KLHL26: variants seen among roughly 807,000 people sequenced by gnomAD.
The protein encoded by KLHL26 is kelch like family member 26.
Under a neutral mutation model 7.1 loss-of-function variants are expected in KLHL26, and 4 were observed. The observed-to-expected ratio is 0.56, with a 90% CI of 0.28 to 1.28. The LOEUF is 1.28. KLHL26 is among the 50% of genes most tolerant of loss of function. The probability of loss-of-function intolerance (pLI) is 0.11; values close to 1 mark genes in which losing one functional copy is unlikely to be tolerated. For synonymous variants in KLHL26, 465 were observed against 414.1 expected (o/e 1.12, Z -1.49); for missense variants, 896 against 924.6 (o/e 0.97, Z 0.40).
At chr19:18,663,102 TC>T (rs1371396700) in intron 1 of KLHL26, among the ~76,000 whole-genome samples, 1 of 152,160 alleles carries the variant, frequency 6.6e-6, no homozygotes, top group Non-Finnish European at 1.5e-5. Context: ...ATGTCCTGCT[TC>T]CCCAGGGACT....
chr19:18,663,594 G>A (rs1194068770), intron 1 of KLHL26, among the ~76,000 whole-genome samples: 1 of 152,184 alleles, frequency 6.6e-6, no homozygotes, highest in Admixed American at 6.5e-5. Context: ...ACAGAGCAGG[G>A]TGCCTCAGCC....
At chr19:18,654,854 A>G (rs954617927) in intron 1 of KLHL26, among the ~76,000 whole-genome samples, 1 of 152,044 alleles carries the variant, frequency 6.6e-6, no homozygotes, top group East Asian at 1.9e-4. Context: ...TTACCCATCC[A>G]TCTACCTGTC....
At chr19:18,638,532 A>G (rs1976657870) in intron 1 of KLHL26, among the ~76,000 whole-genome samples, 1 of 152,180 alleles carries the variant, frequency 6.6e-6, no homozygotes, top group Non-Finnish European at 1.5e-5. Context: ...GTCCTGCAGT[A>G]GGGAGCCAGG....
chr19:18,658,290 G>A (rs987531576), intron 1 of KLHL26, among the ~76,000 whole-genome samples: 4 of 152,106 alleles, frequency 2.6e-5, no homozygotes, highest in Non-Finnish European at 5.9e-5. Context: ...CAGTGTGGTT[G>A]GAGAGTAGGG....
At chr19:18,639,478 C>A (rs985422741) in intron 1 of KLHL26, among the ~76,000 whole-genome samples, 2 of 128,598 alleles carry the variant, frequency 1.6e-5, no homozygotes, top group Admixed American at 9.4e-5. Flanking sequence ...AGTGTGATCT[C>A]GGCTCACTGC....
In KLHL26 at chr19:18,663,067, C is replaced by T. The variant is rs576781002; in HGVS notation, c.84-1194C>T. ...AGCATTGCTGGCCAGCCCAGATGACCGTGGCATTGGGCTCTGAGTAGCATA... is the reference window on the plus strand; with the variant it reads ...AGCATTGCTGGCCAGCCCAGATGACTGTGGCATTGGGCTCTGAGTAGCATA... On this transcript the variant is annotated intron_variant, in intron 1 of 2. Coordinates refer to ENST00000300976, the MANE Select transcript of KLHL26 (RefSeq NM_018316.3). 2.1e-3 allele frequency among the ~76,000 whole-genome samples: 317 copies of T among 152,344 alleles called. 2 individuals are homozygous for T. The highest frequency in any genetic ancestry group is 3.6e-3 in the Non-Finnish European group (243 of 68,032).
At chr19:18,652,180 G>C (rs539623920) in intron 1 of KLHL26, among the ~76,000 whole-genome samples, 1 of 152,292 alleles carries the variant, frequency 6.6e-6, no homozygotes, top group East Asian at 1.9e-4. Context: ...CCAGAGACAG[G>C]ATGTGCAGGA....
intron 1 of KLHL26, among the ~76,000 whole-genome samples, chr19:18,654,142 TCCACCCACCCATTCATCCAC>T (rs1302620954): frequency 2.9e-5 from 3 of 105,116 alleles, no homozygotes; most frequent in Admixed American, 9.5e-5. Context: ...CTTCCATCTA[TCCACCCACCCATTCATCCAC>T]CCACCCACCC....
intron 1 of KLHL26, among the ~76,000 whole-genome samples, chr19:18,654,880 T>G (rs1178518957): frequency 6.6e-6 from 1 of 152,154 alleles, no homozygotes; most frequent in Non-Finnish European, 1.5e-5. Flanking sequence ...ATTTGACTGC[T>G]CATCCACCCA....
In KLHL26 at chr19:18,669,659, G is replaced by A. The variant is rs1253702326; in HGVS notation, c.*414G>A. On this transcript the variant is annotated 3_prime_UTR_variant, in exon 3 of 3. Coordinates refer to ENST00000300976, the MANE Select transcript of KLHL26 (RefSeq NM_018316.3). ...CTCATCAACATTGAACCCAAAGTCG[G>A]TGGTATATGACTCACCCTCCTTCCA... is the stretch of plus-strand genomic sequence containing the variant. 1 of 340,284 alleles carries A rather than the reference G, an allele frequency of 2.9e-6. No homozygotes were observed. The highest frequency in any genetic ancestry group is 4.9e-5 in the East Asian group (1 of 20,234). The allele number at this position is 340,284 out of a possible 1,614,324, so 21.1% of individuals were successfully genotyped here.
rs1243718917 is a variant in KLHL26 at position 18,669,200 on chromosome 19, A to G, written c.1803A>G (p.Ile601Met). 6.2e-7 allele frequency: 1 copy of G among 1,612,146 alleles called. No individual in the cohort carries two copies. The highest frequency in any genetic ancestry group is 1.7e-5 in the Admixed American group (1 of 60,016). The change falls in exon 3 of 3, where the codon ATA becomes ATG. Residue 601 changes from isoleucine to methionine, a missense_variant. By Grantham distance (10) the Ile-to-Met change is conservative. Transcript: ENST00000300976. Reference sequence around the variant, plus strand: ...ACTTCCCGGAGTCCTTCGCAGGCATAGCCTGCGCCCCCGTCCTGCTGCCCC... The same window carrying G: ...ACTTCCCGGAGTCCTTCGCAGGCATGGCCTGCGCCCCCGTCCTGCTGCCCC... ...DLHFPESFAGIACAPVLLPRA... is the reference protein window; with the variant it reads ...DLHFPESFAGMACAPVLLPRA...
chr19:18,658,743 G>GTCTCTGTC (rs1274571647), intron 1 of KLHL26, among the ~76,000 whole-genome samples: 2 of 148,854 alleles, frequency 1.3e-5, no homozygotes, highest in Non-Finnish European at 3.0e-5. Flanking sequence ...CTCTCTCTGG[G>GTCTCTGTC]TCTCTGTCTC....
In KLHL26 at chr19:18,654,980, C is replaced by T. The variant is rs553998919; in HGVS notation, c.84-9281C>T. Among the ~76,000 whole-genome samples the T allele has an allele frequency of 1.3e-4, 20 of 152,350 alleles. No individual in the cohort carries two copies. The East Asian group carries it at 2.9e-3, about 22-fold the overall frequency. ...TACAGGAGACAGAACCTTGCCTGCTCGGCTTCCATGGGGTTCCCCTTTCAG... is the reference window on the plus strand; with the variant it reads ...TACAGGAGACAGAACCTTGCCTGCTTGGCTTCCATGGGGTTCCCCTTTCAG... On this transcript the variant is annotated intron_variant, in intron 1 of 2. Coordinates refer to ENST00000300976, the MANE Select transcript of KLHL26 (RefSeq NM_018316.3).
At chr19:18,638,290 T>G (rs1976653905) in intron 1 of KLHL26, among the ~76,000 whole-genome samples, 1 of 152,080 alleles carries the variant, frequency 6.6e-6, no homozygotes, top group South Asian at 2.1e-4. Context: ...CCTGGCTGTG[T>G]GATTTGGTAC....
rs192929245 is a variant in KLHL26, at chr19:18,645,290, C to T, written c.83+8153C>T. Among the ~76,000 whole-genome samples, 264 of 152,348 alleles carry T rather than the reference C, an allele frequency of 1.7e-3. 2 individuals carry two copies. Among genetic ancestry groups the T allele is most frequent in the African/African-American group, 6.0e-3 (249 of 41,584 alleles). On this transcript the variant is annotated intron_variant, in intron 1 of 2. Coordinates refer to ENST00000300976, the MANE Select transcript of KLHL26 (RefSeq NM_018316.3). ...GGGAGGCAAACCCTCTGGGGAGTCG[C>T]ACCTCCCCAGCTAAAATTCTGTCAC...
At position 18,656,865 on chromosome 19, in the gene KLHL26, C is replaced by T. The variant is rs1190542537; in HGVS notation, c.84-7396C>T. On this transcript the variant is annotated intron_variant, in intron 1 of 2. Coordinates refer to ENST00000300976, the MANE Select transcript of KLHL26 (RefSeq NM_018316.3). The surrounding 1 kb of genome is among the most constrained non-coding windows in gnomAD (Gnocchi z 4.4). ...TCGTGAAGATGTTGGAGAAAATCAG[C>T]ATGTCAAGCAGGAGGGAGACACAGA... 6.6e-6 allele frequency among the ~76,000 whole-genome samples: 1 copy of T among 152,100 alleles called. No homozygotes were observed. Among genetic ancestry groups the T allele is most frequent in the East Asian group, 1.9e-4 (1 of 5,194 alleles).
rs747959445 is a variant in KLHL26 at position 18,669,255 on chromosome 19, C to G, written c.*10C>G. 1 of 1,598,200 alleles carries G rather than the reference C, an allele frequency of 6.3e-7. No homozygotes were observed. ...CGGGACCAGGAGGTAGCCCCCAAGA[C>G]CCCCGGGACCCTGGCCTGACCGCAT... On this transcript the variant is annotated 3_prime_UTR_variant, in exon 3 of 3. Coordinates refer to ENST00000300976, the MANE Select transcript of KLHL26 (RefSeq NM_018316.3).
chr19:18,667,210 C>A (rs1278995726), intron 2 of KLHL26, among the ~76,000 whole-genome samples: 1 of 151,824 alleles, frequency 6.6e-6, no homozygotes, highest in Non-Finnish European at 1.5e-5. Context: ...GTCCAGGCTG[C>A]AGTGCAGCAT....
chr19:18,668,638 T>C lies in KLHL26; in HGVS notation c.1241T>C (p.Met414Thr). Residue 414 changes from methionine (M) to threonine (T), a missense_variant, in exon 3 of 3, where the codon ATG becomes ACG. By Grantham distance (81) the Met-to-Thr change is moderately conservative. Coordinates refer to ENST00000300976, the MANE Select transcript of KLHL26 (RefSeq NM_018316.3). ...IQFQLNVLCG[M>T]VYATGGRNRA... is the part of the protein sequence containing the mutation. The stretch of plus-strand genomic sequence containing the variant: ...TTCCAGCTGAACGTGCTGTGCGGCA[T>C]GGTGTACGCCACGGGCGGCCGCAAC... 1 of 1,578,558 alleles carries C rather than the reference T, an allele frequency of 6.3e-7. No individual in the cohort carries two copies. Among genetic ancestry groups the C allele is most frequent in the Non-Finnish European group, 8.6e-7 (1 of 1,168,500 alleles).
Sources: gnomAD v4.1 joint callset for allele counts (sites outside exome capture counted in the v4.1 genomes callset) on GRCh38, gnomAD v4.1.1 for gene constraint, Gnocchi (gnomAD v3.1) non-coding constraint, MANE v1.5 for transcripts, NCBI Gene and HGNC (gene_info 2026-07-23, HGNC 2026-07-21) for gene names.